PCDH10: variants seen among roughly 807,000 people sequenced by gnomAD.
PCDH10 encodes protocadherin-10.
In PCDH10, 15 loss-of-function variants were observed where a neutral mutation model predicts 74.4. That is an observed-to-expected ratio of 0.20 (90% CI 0.13 to 0.31). The LOEUF (loss-of-function observed/expected upper bound fraction) is 0.31, where lower values mean the gene tolerates loss of function less well. PCDH10 is among the 10% of genes least tolerant of loss of function. PCDH10 has a pLI of 1.00. For synonymous variants in PCDH10, 619 were observed against 589.8 expected (o/e 1.05, Z -0.72); for missense variants, 1,260 against 1,390.2 (o/e 0.91, Z 1.49).
At chr4:133,152,952 C>T (rs1264855361) in intron 1 of PCDH10, 181 bp downstream of exon 1, 2 of 1,451,534 alleles carry the variant, frequency 1.4e-6, no homozygotes, top group African/African-American at 1.4e-5. Flanking sequence ...ACCTAACTTT[C>T]GCGTTGTTCC....
intron 4 of PCDH10, among the ~76,000 whole-genome samples, chr4:133,167,117 A>G (rs189891791): frequency 1.3e-5 from 2 of 151,450 alleles, no homozygotes; most frequent in Non-Finnish European, 3.0e-5. Context: ...TTTCAACTTG[A>G]CGCACCCATA....
chr4:133,202,608 C>T (rs966970143), intron 2 of PCDH10, among the ~76,000 whole-genome samples: 34 of 151,922 alleles, frequency 2.2e-4, no homozygotes, highest in African/African-American at 8.2e-4. Flanking sequence ...ATCTTTACCT[C>T]CAAGGGGTCA....
chr4:133,190,309 T>G lies in PCDH10; in HGVS notation c.*149T>G. 1.4e-6 allele frequency: 1 copy of G among 708,936 alleles called. No homozygotes were observed. The highest frequency in any genetic ancestry group is 2.6e-6 in the Non-Finnish European group (1 of 389,150). The allele number at this position is 708,936 out of a possible 1,614,324, so 43.9% of individuals were successfully genotyped here. A position where few individuals can be genotyped will look rare whatever the true frequency, so the allele number is the denominator to read the frequency against. On this transcript the variant is annotated 3_prime_UTR_variant, in exon 5 of 5. Transcript: ENST00000264360. The stretch of plus-strand genomic sequence containing the variant: ...CGGATGGAGTCATCATGGCCAATTA[T>G]AGGACCTAATTGCTCTCAGCAGGCC...
At chr4:133,163,599 A>G (rs1396168542) in intron 4 of PCDH10, among the ~76,000 whole-genome samples, 2 of 152,184 alleles carry the variant, frequency 1.3e-5, no homozygotes, top group Admixed American at 6.5e-5. Context: ...GATCTTGGTA[A>G]TGAGAAATAG....
rs757845067 is a variant in PCDH10 at position 133,151,798 on chromosome 4, C to T, written c.1658C>T (p.Ala553Val). ...GCCCGGGACGCTGGCAGCCCCCAGG[C>T]GCTGGCTGGTAACGCCACTGTCAAC... Reference protein sequence around the residue: ...VEARDAGSPQALAGNATVNIL... With the variant: ...VEARDAGSPQVLAGNATVNIL... The change falls in exon 1 of 5, where the codon GCG becomes GTG. Residue 553 changes from alanine (A) to valine (V), a missense_variant. By Grantham distance (64) the Ala-to-Val change is moderately conservative. Coordinates refer to ENST00000264360, the MANE Select transcript of PCDH10 (RefSeq NM_032961.3). 3 of 1,612,994 alleles carry T rather than the reference C, an allele frequency of 1.9e-6. No individual in the cohort carries two copies. The highest frequency in any genetic ancestry group is 1.7e-5 in the Admixed American group (1 of 60,018).
downstream of PCDH10, among the ~76,000 whole-genome samples, chr4:133,199,641 C>T (rs1727862596): frequency 6.6e-6 from 1 of 151,032 alleles, no homozygotes; most frequent in South Asian, 2.1e-4. Flanking sequence ...AAAAACTCTG[C>T]AAAAAATATC....
At position 133,150,564 on chromosome 4, in the gene PCDH10, C is replaced by T; in HGVS notation, c.424C>T (p.Pro142Ser). 6.2e-7 allele frequency: 1 copy of T among 1,613,686 alleles called. No individual in the cohort carries two copies. Among genetic ancestry groups the T allele is most frequent in the Non-Finnish European group, 8.5e-7 (1 of 1,179,960 alleles). Reference protein sequence around the residue: ...SESATPGTRFPLESAFDPDVG... With the variant: ...SESATPGTRFSLESAFDPDVG... ...GAGCGCCACGCCAGGCACTCGCTTC[C>T]CCTTGGAGAGCGCATTCGACCCAGA... Residue 142 changes from proline (P) to serine (S), a missense_variant, in exon 1 of 5, where the codon CCC (proline) becomes TCC (serine). Pro to Ser is a moderately conservative substitution (Grantham distance 74). Coordinates refer to ENST00000264360, the MANE Select transcript of PCDH10 (RefSeq NM_032961.3).
chr4:133,206,709 T>TA (rs1728012319), intron 2 of PCDH10, among the ~76,000 whole-genome samples: 1 of 152,164 alleles, frequency 6.6e-6, no homozygotes, highest in African/African-American at 2.4e-5. Flanking sequence ...TTCACATTCA[T>TA]AAAGTTTTAG....
chr4:133,166,607 A>T (rs941392263), intron 4 of PCDH10, among the ~76,000 whole-genome samples: 1 of 151,450 alleles, frequency 6.6e-6, no homozygotes, highest in East Asian at 1.9e-4. Flanking sequence ...AGAAAACCCT[A>T]CTAGTTAAAA....
At chr4:133,160,870 T>C (rs900201882) in intron 3 of PCDH10, among the ~76,000 whole-genome samples, 11 of 152,002 alleles carry the variant, frequency 7.2e-5, no homozygotes, top group African/African-American at 2.7e-4. Context: ...AATTTTACTC[T>C]TAAAGACGTT....
intron 4 of PCDH10, among the ~76,000 whole-genome samples, chr4:133,165,912 A>G (rs975709810): frequency 3.3e-5 from 5 of 151,816 alleles, no homozygotes; most frequent in African/African-American, 1.2e-4. Context: ...GGATGCAAAC[A>G]TTAAATAATG....
intron 4 of PCDH10, among the ~76,000 whole-genome samples, chr4:133,187,930 A>G (rs895614700): frequency 3.3e-5 from 5 of 152,118 alleles, no homozygotes; most frequent in African/African-American, 9.7e-5. Context: ...AACATATGCT[A>G]TGTTGACTAC....
rs188284511 is a variant in PCDH10, at chr4:133,189,191, T to C, written c.3104-950T>C. 2.9e-3 allele frequency among the ~76,000 whole-genome samples: 439 copies of C among 152,280 alleles called. 3 individuals are homozygous for C. Among genetic ancestry groups the C allele is most frequent in the Admixed American group, 3.6e-3 (55 of 15,288 alleles). ...CAACCATTTATGAGATTAAAATAATTGTTTTGCTATTTAATGTACTTTGTA... is the reference window on the plus strand; with the variant it reads ...CAACCATTTATGAGATTAAAATAATCGTTTTGCTATTTAATGTACTTTGTA... On this transcript the variant is annotated intron_variant, in intron 4 of 4. Coordinates refer to ENST00000264360, the MANE Select transcript of PCDH10 (RefSeq NM_032961.3).
intron 3 of PCDH10, among the ~76,000 whole-genome samples, chr4:133,156,531 G>T (rs1028549625): frequency 2.6e-5 from 4 of 152,168 alleles, no homozygotes; most frequent in Non-Finnish European, 5.9e-5. Flanking sequence ...CCTATATATG[G>T]CATATGATTT....
At chr4:133,187,489 G>A (rs1727568296) in intron 4 of PCDH10, among the ~76,000 whole-genome samples, 1 of 152,016 alleles carries the variant, frequency 6.6e-6, no homozygotes, top group Non-Finnish European at 1.5e-5. Flanking sequence ...TTCTAACATG[G>A]AGGAAATCTT....
intron 2 of PCDH10, 60 bp from the exon 3 acceptor site, chr4:133,154,857 G>A (rs1173851575): frequency 5.1e-6 from 6 of 1,179,352 alleles, no homozygotes; most frequent in African/African-American, 1.5e-5. Context: ...GGTGGCAGAA[G>A]AATGTTTTCT....
At chr4:133,196,520 C>G (rs1377697341), downstream of PCDH10, among the ~76,000 whole-genome samples, 2 of 152,116 alleles carry the variant, frequency 1.3e-5, no homozygotes, top group African/African-American at 2.4e-5. Context: ...GTGAGGTTAT[C>G]CCCAGAAGCA....
downstream of PCDH10, among the ~76,000 whole-genome samples, chr4:133,195,609 T>C (rs1229264282): frequency 6.6e-6 from 1 of 152,066 alleles, no homozygotes; most frequent in Non-Finnish European, 1.5e-5. Context: ...GAATGAATGG[T>C]ACTATCTGCC....
At chr4:133,170,468 A>G (rs1157806116) in intron 4 of PCDH10, among the ~76,000 whole-genome samples, 1 of 152,152 alleles carries the variant, frequency 6.6e-6, no homozygotes, top group African/African-American at 2.4e-5. Flanking sequence ...ATTCAGTGGT[A>G]TGGATACACT....
Sources: allele counts gnomAD v4.1 joint callset (sites outside exome capture counted in the v4.1 genomes callset), GRCh38; gene constraint gnomAD v4.1.1; transcripts MANE v1.5; gene names NCBI Gene and HGNC (gene_info 2026-07-23, HGNC 2026-07-21).